Variants in KCNQ3 observed in about 807,000 individuals in gnomAD.
The protein encoded by KCNQ3 is potassium voltage-gated channel subfamily KQT member 3.
A neutral mutation model predicts 92.5 loss-of-function variants in KCNQ3; 30 were observed. The observed-to-expected ratio is 0.32, with a 90% CI of 0.24 to 0.44. The LOEUF is 0.44. KCNQ3 is among the 20% of genes least tolerant of loss of function. The pLI is 1.00. For synonymous variants in KCNQ3, 450 were observed against 468.8 expected (o/e 0.96, Z 0.52); for missense variants, 913 against 1,140.3 (o/e 0.80, Z 2.87).
intron 1 of KCNQ3, among the ~76,000 whole-genome samples, chr8:132,326,617 A>G (rs1454568776): frequency 6.6e-6 from 1 of 152,184 alleles, no homozygotes; most frequent in East Asian, 1.9e-4. Context: ...GCTGAAGGGA[A>G]CTATCTTTTG....
chr8:132,326,042 A>T (rs1158628624), intron 1 of KCNQ3, among the ~76,000 whole-genome samples: 1 of 152,176 alleles, frequency 6.6e-6, no homozygotes, highest in African/African-American at 2.4e-5. Flanking sequence ...ACTGCCATTG[A>T]GAGAGATATG....
chr8:132,155,291 G>A (rs1011771446), intron 9 of KCNQ3, among the ~76,000 whole-genome samples: 3 of 152,186 alleles, frequency 2.0e-5, no homozygotes, highest in African/African-American at 7.2e-5. Context: ...GGTTAGGGAA[G>A]GCAGAGGATA....
intron 9 of KCNQ3, among the ~76,000 whole-genome samples, chr8:132,161,423 GT>G (rs1261933443): frequency 1.3e-5 from 2 of 152,182 alleles, no homozygotes; most frequent in African/African-American, 4.8e-5. Flanking sequence ...GAGGTCAGGA[GT>G]TTGAGACTAG....
chr8:132,366,569 T>C (rs1819328921), intron 1 of KCNQ3, among the ~76,000 whole-genome samples: 2 of 152,178 alleles, frequency 1.3e-5, no homozygotes, highest in South Asian at 4.1e-4. Context: ...AGTTCTTCCA[T>C]TGTTTTCTCA....
intron 9 of KCNQ3, among the ~76,000 whole-genome samples, chr8:132,154,192 A>ATTTTTTTTTTTTTTTTTTTTTTTTT (rs1563775830): frequency 9.6e-6 from 1 of 104,474 alleles, no homozygotes; most frequent in African/African-American, 3.3e-5. Flanking sequence ...AAAGGGTAAA[A>ATTTTTTTTTTTTTTTTTTTTTTTTT]GTTTTTTTTT....
chr8:132,170,567 C>T (rs753554775), intron 7 of KCNQ3, 139 bp from the exon 8 acceptor site: 49 of 661,364 alleles, frequency 7.4e-5, no homozygotes, highest in Admixed American at 1.5e-4. Flanking sequence ...TCAGAAAAAC[C>T]GAGATTCTTG....
chr8:132,201,721 CA>C (rs1223362967), intron 1 of KCNQ3, among the ~76,000 whole-genome samples: 2 of 152,152 alleles, frequency 1.3e-5, no homozygotes, highest in Non-Finnish European at 2.9e-5. Context: ...TTGCTGCACT[CA>C]ATCCATCCAG....
intron 1 of KCNQ3, among the ~76,000 whole-genome samples, chr8:132,193,154 G>C (rs919619902): frequency 7.2e-5 from 11 of 152,140 alleles, no homozygotes; most frequent in East Asian, 1.9e-4. Flanking sequence ...AGGAGTCTTG[G>C]GGAGAGCCAA....
At chr8:132,319,586 G>C (rs1486037444) in intron 1 of KCNQ3, among the ~76,000 whole-genome samples, 1 of 152,184 alleles carries the variant, frequency 6.6e-6, no homozygotes, top group South Asian at 2.1e-4. Flanking sequence ...CCCGAGGTTG[G>C]GCTGACCCTC....
In KCNQ3 at chr8:132,366,357, A is replaced by G. The variant is rs188663877; in HGVS notation, c.386+113790T>C. Among the ~76,000 whole-genome samples, 12 of 152,190 alleles carry G rather than the reference A, an allele frequency of 7.9e-5. No individual in the cohort carries two copies. In the East Asian group the frequency reaches 2.3e-3, roughly 29 times the overall value. Reference sequence around the variant, plus strand: ...TTAGTAGTACATTTTACTTGATTTAAGTTTTCCAGGCATTAATTATGTTAT... The same window carrying G: ...TTAGTAGTACATTTTACTTGATTTAGGTTTTCCAGGCATTAATTATGTTAT... On this transcript the variant is annotated intron_variant, in intron 1 of 14. Transcript: ENST00000388996.
At chr8:132,471,020 T>G (rs1392497547) in intron 1 of KCNQ3, among the ~76,000 whole-genome samples, 2 of 152,194 alleles carry the variant, frequency 1.3e-5, no homozygotes, top group Non-Finnish European at 2.9e-5. Flanking sequence ...TTTGATAACT[T>G]TTGTTCAGGT....
chr8:132,160,673 C>T (rs1487203930), intron 9 of KCNQ3, among the ~76,000 whole-genome samples: 2 of 149,296 alleles, frequency 1.3e-5, no homozygotes, highest in Non-Finnish European at 2.9e-5. Flanking sequence ...AGTTATAAAG[C>T]TGTCGCTTAT....
At chr8:132,429,263 C>T (rs1821186199) in intron 1 of KCNQ3, among the ~76,000 whole-genome samples, 1 of 152,150 alleles carries the variant, frequency 6.6e-6, no homozygotes, top group Non-Finnish European at 1.5e-5. Flanking sequence ...GGCTTAACAG[C>T]TAGCCCATGG....
At chr8:132,272,102 G>A (rs1429112971) in intron 1 of KCNQ3, among the ~76,000 whole-genome samples, 2 of 152,286 alleles carry the variant, frequency 1.3e-5, no homozygotes, top group Non-Finnish European at 1.5e-5. Flanking sequence ...CTACGTCTAG[G>A]TAACTACTTT....
At chr8:132,347,304 C>G (rs1388092905) in intron 1 of KCNQ3, among the ~76,000 whole-genome samples, 1 of 152,184 alleles carries the variant, frequency 6.6e-6, no homozygotes, top group Non-Finnish European at 1.5e-5. Flanking sequence ...AGTACCCATT[C>G]TTACCTTTCC....
intron 1 of KCNQ3, among the ~76,000 whole-genome samples, chr8:132,335,016 T>G (rs1272031811): frequency 6.6e-6 from 1 of 151,708 alleles, no homozygotes; most frequent in Non-Finnish European, 1.5e-5. Flanking sequence ...CTTCCTTCCT[T>G]CCTTCCTTCC....
At position 132,124,671 on chromosome 8, in the gene KCNQ3, A is replaced by G. The variant is rs567729838; in HGVS notation, c.*4591T>C. 2.6e-5 allele frequency: 4 copies of G among 152,382 alleles called. No homozygotes were observed. In the South Asian group the frequency reaches 8.3e-4, roughly 32 times the overall value. The allele number at this position is 152,382 out of a possible 1,614,324, so 9.4% of individuals were successfully genotyped here. A position where few individuals can be genotyped will look rare whatever the true frequency, so the allele number is the denominator to read the frequency against. ...TTGGAATGGTTTAATATCAGCAACAATAGCATTGGGTTGATTTGAATATAA... is the reference window on the plus strand; with the variant it reads ...TTGGAATGGTTTAATATCAGCAACAGTAGCATTGGGTTGATTTGAATATAA... On this transcript the variant is annotated 3_prime_UTR_variant, in exon 15 of 15. Transcript: ENST00000388996.
At position 132,128,018 on chromosome 8, in the gene KCNQ3, G is replaced by A. The variant is rs925086213; in HGVS notation, c.*1244C>T. 10 of 152,156 alleles carry A rather than the reference G, an allele frequency of 6.6e-5. No individual in the cohort carries two copies. The highest frequency in any genetic ancestry group is 4.6e-4 in the Admixed American group (7 of 15,280). 9.4% of individuals were successfully genotyped at this position (152,156 alleles called of 1,614,324 possible). Reference sequence around the variant, plus strand: ...AGCTTGCTTGCATTATTTTTTTCTAGATCTGAAATGCATTGCATCAAGCAA... The same window carrying A: ...AGCTTGCTTGCATTATTTTTTTCTAAATCTGAAATGCATTGCATCAAGCAA... On this transcript the variant is annotated 3_prime_UTR_variant, in exon 15 of 15. Coordinates refer to ENST00000388996, the MANE Select transcript of KCNQ3 (RefSeq NM_004519.4).
chr8:132,143,713 T>C (rs1323993929), intron 9 of KCNQ3, among the ~76,000 whole-genome samples: 1 of 152,236 alleles, frequency 6.6e-6, no homozygotes, highest in Non-Finnish European at 1.5e-5. Context: ...AGATGCTGGC[T>C]GTCATTATTA....
Sources: gnomAD v4.1 joint callset for allele counts (sites outside exome capture counted in the v4.1 genomes callset) on GRCh38, gnomAD v4.1.1 for gene constraint, MANE v1.5 for transcripts, NCBI Gene and HGNC (gene_info 2026-07-23, HGNC 2026-07-21) for gene names.